Variants in SNX9 observed in about 807,000 individuals in gnomAD.
The protein encoded by SNX9 is sorting nexin-9.
In SNX9, 44 loss-of-function variants were observed where a neutral mutation model predicts 89.4. The ratio of observed to expected loss-of-function variants is 0.49; its 90% confidence interval spans 0.39 to 0.63. The LOEUF (loss-of-function observed/expected upper bound fraction) is 0.63, where lower values mean the gene tolerates loss of function less well. Ranked by LOEUF, SNX9 falls within the 30% of genes least tolerant of loss-of-function variation. SNX9 has a pLI of 0.00. For synonymous variants in SNX9, 236 were observed against 247.8 expected, an observed-to-expected ratio of 0.95 and a Z score of 0.45; for missense variants, 578 against 736.1, an observed-to-expected ratio of 0.79 and a Z score of 2.49.
At chr6:157,824,992 A>G (rs992426759) in intron 1 of SNX9, among the ~76,000 whole-genome samples, 2 of 152,184 alleles carry the variant, frequency 1.3e-5, no homozygotes, top group African/African-American at 4.8e-5. Context: ...TCCCACCTGT[A>G]ATTCCAGCAC....
intron 10 of SNX9, 78 bp from the exon 11 acceptor site, chr6:157,927,033 A>T (rs2115199917): frequency 9.5e-7 from 1 of 1,050,884 alleles, no homozygotes; most frequent in Non-Finnish European, 1.5e-6. Flanking sequence ...GTGATAAATG[A>T]GCTGGTCCTG....
intron 9 of SNX9, among the ~76,000 whole-genome samples, chr6:157,918,633 A>G (rs1001845659): frequency 1.2e-4 from 19 of 152,102 alleles, no homozygotes; most frequent in African/African-American, 4.3e-4. Flanking sequence ...CACATTTGCC[A>G]TTTTGTTATT....
chr6:157,825,759 CAA>C (rs767155236), intron 1 of SNX9, among the ~76,000 whole-genome samples: 1 of 152,264 alleles, frequency 6.6e-6, no homozygotes, highest in South Asian at 2.1e-4. Context: ...TGTGTCAAAC[CAA>C]AGTCTCATTT....
chr6:157,926,042 A>G (rs1157183597), intron 10 of SNX9, among the ~76,000 whole-genome samples: 2 of 152,180 alleles, frequency 1.3e-5, no homozygotes, highest in African/African-American at 4.8e-5. Flanking sequence ...TCTCATTCAC[A>G]AGGGGAGAAG....
chr6:157,883,330 T>A (rs1294837561), intron 4 of SNX9, among the ~76,000 whole-genome samples: 2 of 152,222 alleles, frequency 1.3e-5, no homozygotes, highest in Non-Finnish European at 2.9e-5. Flanking sequence ...TTTAACGTGA[T>A]GGACTGGAAC....
At chr6:157,891,421 CTT>C (rs1265780298) in intron 4 of SNX9, among the ~76,000 whole-genome samples, 2 of 152,092 alleles carry the variant, frequency 1.3e-5, no homozygotes, top group East Asian at 3.8e-4. Flanking sequence ...TCAATTTAGT[CTT>C]TTTATACATA....
At chr6:157,836,174 T>C (rs73573818) in intron 1 of SNX9, among the ~76,000 whole-genome samples, 2,998 of 152,246 alleles carry the variant, frequency 0.02, 100 homozygotes, top group African/African-American at 0.065. Context: ...GATCTTGAAC[T>C]TCTGGGCTCA....
intron 9 of SNX9, among the ~76,000 whole-genome samples, chr6:157,915,640 A>AAAAAAAAAAT (rs1472422303): frequency 1.1e-5 from 1 of 95,172 alleles, no homozygotes; most frequent in African/African-American, 4.7e-5. Context: ...AAAAAAAAAA[A>AAAAAAAAAAT]ATATATATAT....
intron 4 of SNX9, among the ~76,000 whole-genome samples, chr6:157,880,635 C>T (rs1375075662): frequency 6.6e-6 from 1 of 152,168 alleles, no homozygotes; most frequent in Admixed American, 6.5e-5. Context: ...AAACCCTAAC[C>T]GAGTGCCATC....
At chr6:157,892,885 G>A (rs976552698) in intron 4 of SNX9, 9 of 152,142 alleles carry the variant, frequency 5.9e-5, no homozygotes, top group African/African-American at 1.7e-4. Context: ...ACTCTAGCCC[G>A]AGGTTACACA....
At chr6:157,863,257 C>A (rs995039729) in intron 1 of SNX9, among the ~76,000 whole-genome samples, 33 of 152,232 alleles carry the variant, frequency 2.2e-4, no homozygotes, top group African/African-American at 8.0e-4. Context: ...CCTCTCTTTT[C>A]TCAGAAGAGG....
At chr6:157,902,224 A>AAAG (rs1554295805) in intron 6 of SNX9, among the ~76,000 whole-genome samples, 179 bp downstream of exon 6, 6 of 151,858 alleles carry the variant, frequency 4.0e-5, no homozygotes, top group Admixed American at 1.3e-4. Flanking sequence ...AAAAAAAAAA[A>AAAG]GGATTTTTGA....
intron 4 of SNX9, among the ~76,000 whole-genome samples, chr6:157,881,333 A>T (rs1021703696): frequency 3.3e-5 from 5 of 152,020 alleles, no homozygotes; most frequent in African/African-American, 9.6e-5. Flanking sequence ...CGCCTGTTCT[A>T]CCCGCCAGCC....
At chr6:157,889,928 T>G (rs1417283540) in intron 4 of SNX9, among the ~76,000 whole-genome samples, 1 of 152,170 alleles carries the variant, frequency 6.6e-6, no homozygotes, top group Non-Finnish European at 1.5e-5. Context: ...ATTATGTCAT[T>G]TAATCCTTAC....
chr6:157,894,238 T>G (rs1410944841), intron 4 of SNX9, among the ~76,000 whole-genome samples: 1 of 149,984 alleles, frequency 6.7e-6, no homozygotes, highest in African/African-American at 2.5e-5. Flanking sequence ...GCCTCCCAAG[T>G]AGCTGGGATT....
At position 157,927,148 on chromosome 6, in the gene SNX9, A is replaced by G; in HGVS notation, c.1118A>G (p.Glu373Gly). Residue 373 changes from glutamate to glycine, a missense_variant, in exon 11 of 18, where the codon GAG (glutamate) becomes GGG (glycine). Around this residue, in one of 2 missense-constraint regions of SNX9, gnomAD observed 348 missense variants for 491.4 expected, o/e 0.71. Coordinates refer to ENST00000392185, the MANE Select transcript of SNX9 (RefSeq NM_016224.5). ...KTGKRKAERD[E>G]LAGVMIFSTM... ...GGAAAGAGGAAGGCCGAGAGAGATG[A>G]GCTGGCGGGAGTCATGATATTTTCC... 6.2e-7 allele frequency: 1 copy of G among 1,614,176 alleles called. No individual in the cohort carries two copies. The highest frequency in any genetic ancestry group is 8.5e-7 in the Non-Finnish European group (1 of 1,180,020).
chr6:157,858,151 A>C (rs1002490114), intron 1 of SNX9, among the ~76,000 whole-genome samples: 1 of 152,084 alleles, frequency 6.6e-6, no homozygotes, highest in Non-Finnish European at 1.5e-5. Flanking sequence ...CCCATGTATA[A>C]GTGCTTTTCA....
chr6:157,894,106 C>CTTTTCTTTTTTT (rs1484938597), intron 4 of SNX9, among the ~76,000 whole-genome samples: 7 of 89,564 alleles, frequency 7.8e-5, no homozygotes, highest in African/African-American at 2.7e-4. Context: ...CTTTTCTTTT[C>CTTTTCTTTTTTT]TTTTTTTTTT....
At chr6:157,884,424 A>G (rs1782689950) in intron 4 of SNX9, among the ~76,000 whole-genome samples, 1 of 152,210 alleles carries the variant, frequency 6.6e-6, no homozygotes, top group Admixed American at 6.5e-5. Flanking sequence ...AGTCCATTTA[A>G]AAATAAATTG....
Sources: allele counts gnomAD v4.1 joint callset (sites outside exome capture counted in the v4.1 genomes callset), GRCh38; gene constraint gnomAD v4.1.1; regional missense constraint gnomAD v4.1.1; transcripts MANE v1.5; gene names NCBI Gene and HGNC (gene_info 2026-07-23, HGNC 2026-07-21).